GSR: variants seen among roughly 807,000 people sequenced by gnomAD.
GSR encodes the protein glutathione-disulfide reductase.
Under a neutral mutation model 56.5 loss-of-function variants are expected in GSR, and 48 were observed. The observed-to-expected ratio is 0.85, with a 90% CI of 0.67 to 1.08. GSR has a LOEUF of 1.08. Ranked by LOEUF, GSR falls within the 50% of genes least tolerant of loss-of-function variation. GSR has a pLI of 0.00. For synonymous variants in GSR, 264 were observed against 270.8 expected (o/e 0.97, Z 0.25); for missense variants, 694 against 703.3 (o/e 0.99, Z 0.15).
rs1392256052 is a variant in GSR at position 30,681,092 on chromosome 8, C to CTATCAAA, written c.1286-62_1286-56dup. 3 of 1,437,744 alleles carry CTATCAAA rather than the reference C, an allele frequency of 2.1e-6. No homozygotes were observed. In the African/African-American group the frequency reaches 4.2e-5, roughly 20 times the overall value. 89.1% of individuals were successfully genotyped at this position (1,437,744 alleles called of 1,614,324 possible). ...CAGAAAACTAAACAATTACACTGAACTATCAAAGAGGGAGATGACCAGAAA... is the reference window on the plus strand; with the variant it reads ...CAGAAAACTAAACAATTACACTGAACTATCAAATATCAAAGAGGGAGATGACCAGAAA... On this transcript the variant is annotated intron_variant, in intron 11 of 12. Transcript: ENST00000221130.
intron 1 of GSR, among the ~76,000 whole-genome samples, chr8:30,720,212 C>CA (rs911777035): frequency 1.3e-5 from 2 of 151,112 alleles, no homozygotes; most frequent in African/African-American, 2.4e-5. Flanking sequence ...GACCCTGTCT[C>CA]AAAAAAAAAT....
chr8:30,695,610 A>G (rs1803519810), intron 7 of GSR, among the ~76,000 whole-genome samples: 1 of 151,892 alleles, frequency 6.6e-6, no homozygotes, highest in Admixed American at 6.6e-5. Flanking sequence ...AGACAATTCT[A>G]CTCCTTCCAG....
In GSR at chr8:30,680,875, A is replaced by G. The variant is rs755094413; in HGVS notation, c.1419+29T>C. 13 of 1,606,640 alleles carry G rather than the reference A, an allele frequency of 8.1e-6. No individual in the cohort carries two copies. In the Admixed American group the frequency reaches 2.0e-4, roughly 25 times the overall value. ...GCCATCCCTGTCCATTTTGCAAGGC[A>G]CTATTTAGTTTGCTGGATTTTTCCT... On this transcript the variant is annotated intron_variant, in intron 12 of 12. Transcript: ENST00000221130.
chr8:30,691,818 G>T (rs969522625), intron 8 of GSR, among the ~76,000 whole-genome samples: 2 of 151,944 alleles, frequency 1.3e-5, no homozygotes, highest in Non-Finnish European at 2.9e-5. Context: ...AAAATCAGGG[G>T]CCGGGTGTGG....
intron 1 of GSR, among the ~76,000 whole-genome samples, chr8:30,723,102 G>C (rs2128749503): frequency 6.6e-6 from 1 of 152,190 alleles, no homozygotes; most frequent in South Asian, 2.1e-4. Flanking sequence ...CACTCAGCAG[G>C]AACCCAGGAC....
At chr8:30,721,504 T>A (rs1804533372) in intron 1 of GSR, among the ~76,000 whole-genome samples, 1 of 151,870 alleles carries the variant, frequency 6.6e-6, no homozygotes, top group Non-Finnish European at 1.5e-5. Flanking sequence ...TATAAAAAAA[T>A]TAGCCAGGTG....
intron 1 of GSR, among the ~76,000 whole-genome samples, chr8:30,715,061 T>C (rs2978298): frequency 0.66 from 100,762 of 151,916 alleles, 36,796 homozygotes; most frequent in East Asian, 0.82. Context: ...GATGATTGCT[T>C]GAGCCCAGGA....
At chr8:30,723,728 G>T (rs1029564600) in intron 1 of GSR, among the ~76,000 whole-genome samples, 1 of 151,702 alleles carries the variant, frequency 6.6e-6, no homozygotes, top group Admixed American at 6.6e-5. Context: ...GGAGACGGAG[G>T]TTGCAGTGAG....
chr8:30,689,096 G>A (rs1803269190), intron 9 of GSR, 65 bp downstream of exon 9: 7 of 1,463,458 alleles, frequency 4.8e-6, no homozygotes, highest in Non-Finnish European at 6.7e-6. Context: ...GTGTCTGGGG[G>A]GAAAATAAAA....
intron 9 of GSR, among the ~76,000 whole-genome samples, chr8:30,684,720 C>CTCAAGCAGT (rs1803094345): frequency 6.6e-6 from 1 of 152,024 alleles, no homozygotes. Flanking sequence ...GGAACACTGA[C>CTCAAGCAGT]TCAAGCAGTC....
chr8:30,718,021 A>T (rs1402855974), intron 1 of GSR, among the ~76,000 whole-genome samples: 1 of 152,020 alleles, frequency 6.6e-6, no homozygotes, highest in Non-Finnish European at 1.5e-5. Context: ...GAATCGCTTG[A>T]ACCCAGGAGG....
intron 9 of GSR, among the ~76,000 whole-genome samples, chr8:30,688,205 A>G (rs780334937): frequency 2.0e-5 from 3 of 152,238 alleles, no homozygotes; most frequent in Non-Finnish European, 4.4e-5. Flanking sequence ...ATGCTAAAAG[A>G]TCAGCATAGG....
At chr8:30,720,386 A>G (rs1205857317) in intron 1 of GSR, among the ~76,000 whole-genome samples, 5 of 152,150 alleles carry the variant, frequency 3.3e-5, no homozygotes, top group Non-Finnish European at 7.3e-5. Context: ...AACACTATCG[A>G]TTTATCAACT....
intron 9 of GSR, among the ~76,000 whole-genome samples, chr8:30,685,803 C>A (rs1803140462): frequency 1.3e-5 from 2 of 151,924 alleles, no homozygotes; most frequent in African/African-American, 4.8e-5. Flanking sequence ...TGGTGAAACC[C>A]TGTCTCTACT....
intron 1 of GSR, among the ~76,000 whole-genome samples, chr8:30,722,777 C>T (rs2739008): frequency 0.77 from 115,454 of 150,012 alleles, 48,854 homozygotes; most frequent in Non-Finnish European, 0.94. Flanking sequence ...TTCAGCTTTA[C>T]CAGGGTATAG....
intron 1 of GSR, among the ~76,000 whole-genome samples, chr8:30,720,478 A>AAG (rs1316150554): frequency 1.3e-5 from 2 of 152,298 alleles, no homozygotes; most frequent in South Asian, 4.1e-4. Flanking sequence ...TGATGACTTA[A>AAG]ACAGATAAAG....
chr8:30,724,662 C>T (rs796408720), intron 1 of GSR, among the ~76,000 whole-genome samples: 13 of 145,256 alleles, frequency 8.9e-5, no homozygotes, highest in African/African-American at 3.0e-4. Flanking sequence ...GATTCTCATG[C>T]CTCAGCCTCC....
chr8:30,684,549 T>C (rs979684404), intron 9 of GSR, among the ~76,000 whole-genome samples: 1 of 152,136 alleles, frequency 6.6e-6, no homozygotes, highest in African/African-American at 2.4e-5. Context: ...AAAGGTAGTA[T>C]TTTATCCACT....
intron 1 of GSR, among the ~76,000 whole-genome samples, chr8:30,722,013 CAAA>C (rs77867964): frequency 8.2e-6 from 1 of 122,608 alleles, no homozygotes. Context: ...GACTCTGTCT[CAAA>C]AAAAAAAAAA....
Sources: gnomAD v4.1 joint callset for allele counts (sites outside exome capture counted in the v4.1 genomes callset) on GRCh38, gnomAD v4.1.1 for gene constraint, MANE v1.5 for transcripts, NCBI Gene and HGNC (gene_info 2026-07-23, HGNC 2026-07-21) for gene names.